Variants in TEX14 observed in about 807,000 individuals in gnomAD.
The protein encoded by TEX14 is testis expressed 14, intercellular bridge forming factor.
Under a neutral mutation model 178.6 loss-of-function variants are expected in TEX14, and 168 were observed. The observed-to-expected ratio is 0.94, with a 90% CI of 0.83 to 1.07. The LOEUF (loss-of-function observed/expected upper bound fraction) is 1.07. Among genes scored for constraint, TEX14 ranks in the 50% least tolerant of loss-of-function variants. TEX14 has a pLI of 0.00. For missense variants in TEX14, 1,730 were observed against 1,753.6 expected (o/e 0.99, Z 0.24); for synonymous variants, 626 against 634.1 (o/e 0.99, Z 0.19).
chr17:58,652,101 A>G (rs937069941), intron 1 of TEX14, 99 bp from the exon 2 acceptor site: 4 of 891,914 alleles, frequency 4.5e-6, no homozygotes, highest in African/African-American at 3.4e-5. Flanking sequence ...AGCCACCTTC[A>G]TTAATAATGA....
chr17:58,642,247 T>C (rs1032958057), intron 2 of TEX14, among the ~76,000 whole-genome samples: 16 of 152,340 alleles, frequency 1.1e-4, no homozygotes, highest in African/African-American at 3.8e-4. Flanking sequence ...CAGGGTCACA[T>C]GGACATTCAC....
At chr17:58,638,941 G>T in intron 2 of TEX14, among the ~76,000 whole-genome samples, 1 of 134,260 alleles carries the variant, frequency 7.4e-6, no homozygotes. Flanking sequence ...TCGGCTCACT[G>T]CAAGCTCCAC....
rs199921367 is a variant in TEX14, at chr17:58,617,639, G to GA, written c.555-21dup. ...GGGTTTCTAGAAATATTTAAAACAG[G>GA]AAAAAAACCTCAGAATTAACCACTC... On this transcript the variant is annotated intron_variant, in intron 5 of 31. Transcript: ENST00000349033. The GA allele has an allele frequency of 3.4e-5, 53 of 1,572,800 alleles. No individual in the cohort carries two copies. The highest frequency in any genetic ancestry group is 1.7e-4 in the Middle Eastern group (1 of 5,984).
At chr17:58,670,000 G>A (rs182329624) in intron 1 of TEX14, among the ~76,000 whole-genome samples, 45 of 152,214 alleles carry the variant, frequency 3.0e-4, no homozygotes, top group Admixed American at 8.5e-4. Context: ...CCACCATACC[G>A]CCGTGGCAGC....
rs1344170703 is a variant in TEX14 at position 58,570,498 on chromosome 17, A to C, written c.3718-14T>G. On this transcript the variant is annotated splice_polypyrimidine_tract_variant and intron_variant, in intron 24 of 31. Transcript: ENST00000349033. The stretch of plus-strand genomic sequence containing the variant: ...AGACAATCTTTTCTATAAGGAAGAG[A>C]TAAACATGGTAACTGTCATGTGTGT... 4 of 1,508,412 alleles carry C rather than the reference A, an allele frequency of 2.7e-6. No homozygotes were observed. Among genetic ancestry groups the C allele is most frequent in the Non-Finnish European group, 3.5e-6 (4 of 1,135,252 alleles). The allele number at this position is 1,508,412 out of a possible 1,614,324, so 93.4% of individuals were successfully genotyped here. A position where few individuals can be genotyped will look rare whatever the true frequency, so the allele number is the denominator to read the frequency against.
Position 58,599,002 on chromosome 17 carries a change from G to C in TEX14, c.2343C>G (p.Ala781=). The stretch of plus-strand genomic sequence containing the variant: ...GGCCCACGGCCAGAGGTAACTTGTA[G>C]GCATTTGTAAACTCTCTTGAAGTGG... ...LWATSREFTN[A]YKLPLAVGPP... Residue 781 remains alanine, a synonymous_variant, in exon 14 of 32, where the codon GCC becomes GCG. Coordinates refer to ENST00000349033, the MANE Select transcript of TEX14 (RefSeq NM_031272.5). 1 of 1,614,040 alleles carries C rather than the reference G, an allele frequency of 6.2e-7. No individual in the cohort carries two copies. Among genetic ancestry groups the C allele is most frequent in the Non-Finnish European group, 8.5e-7 (1 of 1,179,984 alleles).
chr17:58,640,919 C>T (rs1366462232), intron 2 of TEX14, among the ~76,000 whole-genome samples: 5 of 151,924 alleles, frequency 3.3e-5, no homozygotes, highest in Non-Finnish European at 7.4e-5. Flanking sequence ...AAGTTTTCAC[C>T]GCGTTGCCCA....
intron 14 of TEX14, 130 bp from the exon 15 acceptor site, chr17:58,593,791 C>T: frequency 2.6e-6 from 2 of 756,366 alleles, no homozygotes; most frequent in Admixed American, 2.5e-5. Context: ...TTTTCCTTTG[C>T]ATGTTTCCTA....
intron 15 of TEX14, 108 bp from the exon 16 acceptor site, chr17:58,588,129 G>A (rs889249212): frequency 2.4e-5 from 15 of 633,862 alleles, no homozygotes; most frequent in Middle Eastern, 3.6e-4. Context: ...AGAGGTAGAA[G>A]AAACCCGCAG....
chr17:58,659,359 C>T (rs896978336), intron 1 of TEX14: 2 of 982,288 alleles, frequency 2.0e-6, no homozygotes, highest in Non-Finnish European at 2.4e-6. Context: ...ACAACATACT[C>T]ATGGCAAATT....
intron 2 of TEX14, chr17:58,647,928 G>A (rs1481624199): frequency 6.6e-6 from 1 of 152,138 alleles, no homozygotes; most frequent in Non-Finnish European, 1.5e-5. Flanking sequence ...AAACTCCTGA[G>A]CTCAAGTGAT....
intron 1 of TEX14, among the ~76,000 whole-genome samples, chr17:58,674,081 C>G (rs910998235): frequency 6.6e-6 from 1 of 152,104 alleles, no homozygotes; most frequent in African/African-American, 2.4e-5. Context: ...CAAGACCAGT[C>G]TGGCCAACAT....
At position 58,579,730 on chromosome 17, in the gene TEX14, G is replaced by A. The variant is rs2044766163; in HGVS notation, c.3173C>T (p.Thr1058Ile). ...TLVAVEKSYSTSSPIEEDFEG... is the reference protein window; with the variant it reads ...TLVAVEKSYSISSPIEEDFEG... ...AAAGTCCTCTTCTATGGGACTCGAGGTCTAAAAAAGAACAAAAGAAAAGCA... is the reference window on the plus strand; with the variant it reads ...AAAGTCCTCTTCTATGGGACTCGAGATCTAAAAAAGAACAAAAGAAAAGCA... Residue 1058 changes from threonine to isoleucine, a missense_variant and splice_region_variant, in exon 20 of 32, where the codon ACC (threonine) becomes ATC (isoleucine). Thr to Ile is a moderately conservative substitution (Grantham distance 89). Transcript: ENST00000349033. 1.2e-6 allele frequency: 2 copies of A among 1,612,922 alleles called. No homozygotes were observed. Among genetic ancestry groups the A allele is most frequent in the Admixed American group, 1.7e-5 (1 of 59,976 alleles).
At chr17:58,645,633 C>G (rs1216216890) in intron 2 of TEX14, among the ~76,000 whole-genome samples, 1 of 152,196 alleles carries the variant, frequency 6.6e-6, no homozygotes, top group Non-Finnish European at 1.5e-5. Flanking sequence ...GCTGGGATTA[C>G]AGGCATGAGC....
intron 30 of TEX14, among the ~76,000 whole-genome samples, 167 bp from the exon 31 acceptor site, chr17:58,558,017 T>TC (rs2044185074): frequency 6.6e-6 from 1 of 152,192 alleles, no homozygotes; most frequent in South Asian, 2.1e-4. Flanking sequence ...TTAATGGGCT[T>TC]CCCCTCCTAA....
chr17:58,623,432 G>A (rs780126356), intron 3 of TEX14, among the ~76,000 whole-genome samples: 42 of 152,156 alleles, frequency 2.8e-4, no homozygotes, highest in Non-Finnish European at 6.0e-4. Flanking sequence ...AGCCTAACAA[G>A]GCGCCACCTC....
intron 2 of TEX14, among the ~76,000 whole-genome samples, chr17:58,632,668 A>T (rs1451471137): frequency 6.6e-6 from 1 of 152,212 alleles, no homozygotes; most frequent in African/African-American, 2.4e-5. Flanking sequence ...ACGTAACCGC[A>T]CAGCTCACGC....
At chr17:58,596,758 G>A (rs1280436975) in intron 14 of TEX14, among the ~76,000 whole-genome samples, 10 of 151,760 alleles carry the variant, frequency 6.6e-5, no homozygotes, top group South Asian at 2.1e-4. Flanking sequence ...AATACCAGCC[G>A]GGCGTGCTGA....
At chr17:58,681,346 AAG>A (rs913633722) in intron 1 of TEX14, among the ~76,000 whole-genome samples, 4 of 152,132 alleles carry the variant, frequency 2.6e-5, no homozygotes, top group African/African-American at 9.7e-5. Flanking sequence ...TGGGGAGAAA[AAG>A]AATATTGGGA....
Sources: gnomAD v4.1 joint callset for allele counts (sites outside exome capture counted in the v4.1 genomes callset) on GRCh38, gnomAD v4.1.1 for gene constraint, MANE v1.5 for transcripts, NCBI Gene and HGNC (gene_info 2026-07-23, HGNC 2026-07-21) for gene names.